The following PCDHGA1 variants were observed in gnomAD, a reference collection of about 807,000 sequenced individuals.
PCDHGA1 encodes protocadherin gamma subfamily A, 1, also known as protocadherin gamma-A1.
Under a neutral mutation model 58.0 loss-of-function variants are expected in PCDHGA1, and 32 were observed. The ratio of observed to expected loss-of-function variants is 0.55; its 90% confidence interval spans 0.42 to 0.74. The LOEUF (loss-of-function observed/expected upper bound fraction) is 0.74, where lower values mean the gene tolerates loss of function less well. Among genes scored for constraint, PCDHGA1 ranks in the 30% least tolerant of loss-of-function variants. PCDHGA1 has a pLI of 0.00. For missense variants in PCDHGA1, 1,205 were observed against 1,182.3 expected (o/e 1.02, Z -0.28); for synonymous variants, 498 against 501.1 (o/e 0.99, Z 0.08).
At chr5:141,404,861 G>A in intron 1 of PCDHGA1, 1 of 1,613,848 alleles carries the variant, frequency 6.2e-7, no homozygotes, top group Non-Finnish European at 8.5e-7. Context: ...AGATAGAGAT[G>A]CGCTCAAACA....
chr5:141,352,527 C>T, intron 1 of PCDHGA1: 1 of 1,614,016 alleles, frequency 6.2e-7, no homozygotes, highest in Non-Finnish European at 8.5e-7. Flanking sequence ...GCCTCTCATT[C>T]TGCAAAGACA....
intron 1 of PCDHGA1, chr5:141,418,431 A>T (rs751083183): frequency 1.9e-6 from 3 of 1,614,000 alleles, no homozygotes; most frequent in East Asian, 2.2e-5. Flanking sequence ...GGTGGCAAAT[A>T]TCCAGAATTA....
chr5:141,334,819 G>T lies in PCDHGA1; in HGVS notation c.2421+1714G>T, dbSNP rs1756535540. ...ACCTAGTTATGGCCTGGGACCTGAG[G>T]TCAGATAGAAACTATTTCAAAACCA... On this transcript the variant is annotated intron_variant, in intron 1 of 3. Coordinates refer to ENST00000517417, the MANE Select transcript of PCDHGA1 (RefSeq NM_018912.3). The surrounding 1 kb of genome is among the most constrained non-coding windows in gnomAD (Gnocchi z 4.6). Among the ~76,000 whole-genome samples, 1 of 152,118 alleles carries T rather than the reference G, an allele frequency of 6.6e-6. No homozygotes were observed. The highest frequency in any genetic ancestry group is 2.1e-4 in the South Asian group (1 of 4,826).
intron 1 of PCDHGA1, among the ~76,000 whole-genome samples, chr5:141,373,446 C>T (rs1282910334): frequency 6.6e-6 from 1 of 152,132 alleles, no homozygotes. Flanking sequence ...TCCCTTGATC[C>T]CAGGAGGTAG....
Position 141,372,061 on chromosome 5 carries a change from AC to A in PCDHGA1, c.2421+38957del, listed in dbSNP as rs773665526. On this transcript the variant is annotated intron_variant, in intron 1 of 3. Coordinates refer to ENST00000517417, the MANE Select transcript of PCDHGA1 (RefSeq NM_018912.3). ...CTGCGCGTGTTGGTGGACGACCGCA[AC>A]GACAATGCACCGCTGGTGCTGTACC... 71 of 1,613,454 alleles carry A rather than the reference AC, an allele frequency of 4.4e-5. No homozygotes were observed. The African/African-American group carries it at 9.1e-4, about 21-fold the overall frequency.
chr5:141,394,805 G>A, intron 1 of PCDHGA1: 1 of 1,613,860 alleles, frequency 6.2e-7, no homozygotes, highest in Non-Finnish European at 8.5e-7. Context: ...CCGTAGCCGT[G>A]GCTGACAGCA....
chr5:141,372,210 T>C lies in PCDHGA1; in HGVS notation c.2421+39105T>C, dbSNP rs763593596. ...CTCGGGATACAACGCCTGGCTGTCC[T>C]ACCACATTGTGCAGGCCAGCGAGCC... On this transcript the variant is annotated intron_variant, in intron 1 of 3. Transcript: ENST00000517417. The C allele has an allele frequency of 2.0e-5, 33 of 1,613,456 alleles. No homozygotes were observed. In the South Asian group the frequency reaches 2.9e-4, roughly 14 times the overall value.
chr5:141,382,789 T>C (rs1778438315), intron 1 of PCDHGA1: 4 of 924,532 alleles, frequency 4.3e-6, no homozygotes, highest in African/African-American at 3.3e-5. Context: ...CAAGCCTCTA[T>C]CCTGCTGGAT....
At chr5:141,386,520 G>A (rs976508801) in intron 1 of PCDHGA1, among the ~76,000 whole-genome samples, 1 of 144 alleles carries the variant, frequency 6.9e-3, no homozygotes, top group South Asian at 0.5. Context: ...TTCAAAAAAA[G>A]ACTCTTTTTA....
At chr5:141,398,905 A>C in intron 1 of PCDHGA1, 1 of 1,613,984 alleles carries the variant, frequency 6.2e-7, no homozygotes, top group Non-Finnish European at 8.5e-7. Context: ...ACCAGGCACC[A>C]CTGTGTTGCA....
At chr5:141,423,034 G>A (rs769232324) in intron 1 of PCDHGA1, 1 of 1,614,200 alleles carries the variant, frequency 6.2e-7, no homozygotes, top group Non-Finnish European at 8.5e-7. Context: ...AGGCCAGAAC[G>A]CCTGGCTGTC....
At position 141,476,851 on chromosome 5, in the gene PCDHGA1, C is replaced by T; in HGVS notation, c.2422-17956C>T. ...CGAATGACAATGCGCCTGTCTTCAA[C>T]CAGTCCTTGTACCGGGCGCGCGTCC... On this transcript the variant is annotated intron_variant, in intron 1 of 3. Transcript: ENST00000517417. This position sits in a 1 kb window ranked among gnomAD's most constrained non-coding sequence, Gnocchi z 7.6. The T allele has an allele frequency of 6.2e-7, 1 of 1,613,836 alleles. No individual in the cohort carries two copies. Among genetic ancestry groups the T allele is most frequent in the Non-Finnish European group, 8.5e-7 (1 of 1,180,046 alleles).
chr5:141,472,602 T>A (rs1032061805), intron 1 of PCDHGA1, among the ~76,000 whole-genome samples: 1 of 152,026 alleles, frequency 6.6e-6, no homozygotes, highest in South Asian at 2.1e-4. Context: ...CTTGAAATTA[T>A]AAAACAAAGA....
chr5:141,405,612 C>T, intron 1 of PCDHGA1: 1 of 557,514 alleles, frequency 1.8e-6, no homozygotes, highest in Non-Finnish European at 3.2e-6. Flanking sequence ...ATAACTGGGA[C>T]TACAGGCACG....
At chr5:141,382,989 T>C (rs1377336206) in intron 1 of PCDHGA1, 5 of 1,613,356 alleles carry the variant, frequency 3.1e-6, no homozygotes, top group East Asian at 2.2e-5. Context: ...GGGCAGGACG[T>C]ATTCTCTACT....
At chr5:141,442,089 C>A in intron 1 of PCDHGA1, 1 of 170,684 alleles carries the variant, frequency 5.9e-6, no homozygotes, top group South Asian at 1.1e-4. Context: ...CTCGCTACCG[C>A]CACGTCACCA....
chr5:141,427,099 A>G (rs989437547), intron 1 of PCDHGA1: 3 of 457,936 alleles, frequency 6.6e-6, no homozygotes, highest in African/African-American at 6.0e-5. Context: ...GAGGGTGTCA[A>G]TGCGGAGATC....
chr5:141,452,494 T>C (rs1186924396), intron 1 of PCDHGA1, among the ~76,000 whole-genome samples: 2 of 152,192 alleles, frequency 1.3e-5, no homozygotes, highest in African/African-American at 4.8e-5. Flanking sequence ...CACACCCATA[T>C]TTATATTTGT....
chr5:141,431,658 C>T lies in PCDHGA1; in HGVS notation c.2422-63149C>T, dbSNP rs1283381348. 6.2e-7 allele frequency: 1 copy of T among 1,614,088 alleles called. No individual in the cohort carries two copies. ...TTCAAACTAGATTGTAATTCAGGGA[C>T]AATATCAACAATAGGGGAGTTGGAC... On this transcript the variant is annotated intron_variant, in intron 1 of 3. Transcript: ENST00000517417. The surrounding 1 kb of genome is among the most constrained non-coding windows in gnomAD (Gnocchi z 4.8).
Sources: gnomAD v4.1 joint callset for allele counts (sites outside exome capture counted in the v4.1 genomes callset) on GRCh38, gnomAD v4.1.1 for gene constraint, Gnocchi (gnomAD v3.1) non-coding constraint, MANE v1.5 for transcripts, NCBI Gene and HGNC (gene_info 2026-07-23, HGNC 2026-07-21) for gene names.